EXOC4: variants seen among roughly 807,000 people sequenced by gnomAD.
EXOC4 encodes exocyst complex component 4, also known as SEC8-like 1.
EXOC4 carries 71 observed loss-of-function variants against 107.2 expected under a neutral mutation model. That is an observed-to-expected ratio of 0.66 (90% CI 0.55 to 0.81). The LOEUF (loss-of-function observed/expected upper bound fraction) is 0.81, where lower values mean the gene tolerates loss of function less well. Among genes scored for constraint, EXOC4 ranks in the 30% least tolerant of loss-of-function variants. The pLI, the probability that EXOC4 is intolerant of heterozygous loss-of-function variation, is 0.00. For missense variants in EXOC4, 1,108 were observed against 1,189.6 expected (o/e 0.93, Z 1.01); for synonymous variants, 456 against 441.2 (o/e 1.03, Z -0.42).
intron 15 of EXOC4, among the ~76,000 whole-genome samples, chr7:134,000,914 T>C (rs185917903): frequency 6.6e-6 from 1 of 152,152 alleles, no homozygotes; most frequent in Non-Finnish European, 1.5e-5. Flanking sequence ...TTCCCCCAAA[T>C]ATCTTTATAT....
At chr7:133,256,604 AGTT>A (rs1368277354) in intron 1 of EXOC4, among the ~76,000 whole-genome samples, 1 of 152,240 alleles carries the variant, frequency 6.6e-6, no homozygotes, top group African/African-American at 2.4e-5. Context: ...ACTGAGTAGT[AGTT>A]TTTCTTTTTT....
rs569586594 is a variant in EXOC4, at chr7:133,901,146, A to C, written c.1871+5411A>C. Among the ~76,000 whole-genome samples the C allele has an allele frequency of 2.6e-5, 4 of 152,320 alleles. No homozygotes were observed. The South Asian group carries it at 8.3e-4, about 32-fold the overall frequency. ...CGGCCTCCCAAAGTCCTGGGATTAC[A>C]GGCATGAGCCACCATGCCTGGCCAA... On this transcript the variant is annotated intron_variant, in intron 12 of 17. Coordinates refer to ENST00000253861, the MANE Select transcript of EXOC4 (RefSeq NM_021807.4).
chr7:133,444,687 A>T (rs1431650462), intron 7 of EXOC4, among the ~76,000 whole-genome samples: 1 of 152,270 alleles, frequency 6.6e-6, no homozygotes, highest in Non-Finnish European at 1.5e-5. Context: ...CTGAGTGAGG[A>T]GAAGAAGAGT....
chr7:133,603,698 C>T (rs1801864387), intron 9 of EXOC4, among the ~76,000 whole-genome samples: 1 of 152,092 alleles, frequency 6.6e-6, no homozygotes, highest in Non-Finnish European at 1.5e-5. Flanking sequence ...CTGTATGGGG[C>T]CTTTACCCTT....
chr7:134,064,379 A>C lies in EXOC4; in HGVS notation c.2776A>C (p.Ile926Leu). The C allele has an allele frequency of 1.3e-6, 2 of 1,586,520 alleles. No individual in the cohort carries two copies. The highest frequency in any genetic ancestry group is 1.7e-6 in the Non-Finnish European group (2 of 1,164,232). The change falls in exon 18 of 18, where the codon ATC (isoleucine) becomes CTC (leucine). Residue 926 changes from isoleucine to leucine, a missense_variant. By Grantham distance (5) the Ile-to-Leu change is conservative. Transcript: ENST00000253861. The part of the protein sequence containing the change: ...QGVKYTELEY[I>L]HALTLLHRSQ... ...TGTGAAGTACACGGAGCTGGAGTAC[A>C]TCCACGCTCTGACCCTGCTGCACCG... is the stretch of plus-strand genomic sequence containing the variant.
intron 1 of EXOC4, among the ~76,000 whole-genome samples, chr7:133,266,113 G>T (rs1370537644): frequency 2.6e-5 from 4 of 152,182 alleles, no homozygotes; most frequent in African/African-American, 9.7e-5. Context: ...ACAAGTTCAA[G>T]ATCAACCTAC....
intron 9 of EXOC4, among the ~76,000 whole-genome samples, chr7:133,623,862 C>T (rs1802390105): frequency 6.6e-6 from 1 of 152,134 alleles, no homozygotes; most frequent in Non-Finnish European, 1.5e-5. Flanking sequence ...GCAGCAACAG[C>T]ATTAAGCCAT....
chr7:134,047,320 G>T (rs1795679125), intron 17 of EXOC4, among the ~76,000 whole-genome samples: 1 of 151,720 alleles, frequency 6.6e-6, no homozygotes, highest in Admixed American at 6.6e-5. Flanking sequence ...CCCCTCAAAG[G>T]CCTTTTTTCT....
intron 10 of EXOC4, among the ~76,000 whole-genome samples, chr7:133,798,479 A>G (rs1796862465): frequency 6.7e-6 from 1 of 148,850 alleles, no homozygotes; most frequent in South Asian, 2.2e-4. Context: ...TACCTGCCAC[A>G]TAATGAGTGC....
intron 7 of EXOC4, among the ~76,000 whole-genome samples, chr7:133,416,845 G>A (rs1797487316): frequency 6.6e-6 from 1 of 152,196 alleles, no homozygotes; most frequent in Admixed American, 6.5e-5. Context: ...AGGAGGAGCT[G>A]AAGGAATGCA....
chr7:134,016,823 A>G (rs1172798804), intron 17 of EXOC4, among the ~76,000 whole-genome samples: 1 of 152,190 alleles, frequency 6.6e-6, no homozygotes, highest in Non-Finnish European at 1.5e-5. Context: ...TGGAATGACC[A>G]AAGTGTAGTT....
rs562199008 is a variant in EXOC4 at position 133,479,599 on chromosome 7, T to C, written c.1329-451T>C. The C allele has an allele frequency of 3.6e-5, 6 of 165,272 alleles. No individual in the cohort carries two copies. In the East Asian group the frequency reaches 9.1e-4, roughly 25 times the overall value. 10.2% of individuals were successfully genotyped at this position (165,272 alleles called of 1,614,324 possible). A position where few individuals can be genotyped will look rare whatever the true frequency, so the allele number is the denominator to read the frequency against. On this transcript the variant is annotated intron_variant, in intron 8 of 17. Transcript: ENST00000253861. The stretch of plus-strand genomic sequence containing the variant: ...TATGTCCTTTGTCTAGTCCTCTACC[T>C]GTGGAAGTTAGGCATGAGTTCTGCT...
chr7:133,751,788 A>G (rs1562982652), intron 10 of EXOC4, among the ~76,000 whole-genome samples: 2 of 151,016 alleles, frequency 1.3e-5, no homozygotes, highest in African/African-American at 4.9e-5. Flanking sequence ...TTTACATACT[A>G]TTTTTTTTCA....
intron 6 of EXOC4, among the ~76,000 whole-genome samples, chr7:133,370,338 A>G (rs1382919654): frequency 2.6e-5 from 4 of 151,894 alleles, no homozygotes; most frequent in African/African-American, 9.7e-5. Context: ...CATTTTAGGG[A>G]GGCATGAGAC....
At chr7:133,334,233 T>C (rs969723004) in intron 5 of EXOC4, among the ~76,000 whole-genome samples, 1 of 152,220 alleles carries the variant, frequency 6.6e-6, no homozygotes, top group African/African-American at 2.4e-5. Context: ...CTCTATCTTT[T>C]ATCCCATTCC....
chr7:133,489,952 G>A (rs1799340135), intron 9 of EXOC4, among the ~76,000 whole-genome samples: 1 of 152,120 alleles, frequency 6.6e-6, no homozygotes, highest in African/African-American at 2.4e-5. Context: ...ATTTAATTCT[G>A]GCTAATAGGA....
intron 17 of EXOC4, among the ~76,000 whole-genome samples, chr7:134,019,478 A>G (rs1794982099): frequency 6.6e-6 from 1 of 151,626 alleles, no homozygotes; most frequent in Middle Eastern, 3.4e-3. Flanking sequence ...GAGTAATTAT[A>G]ATTACTGTTA....
At chr7:134,095,771 T>C in the EXOC4 span, among the ~76,000 whole-genome samples, 29 of 152,176 alleles carry the variant, frequency 1.9e-4, no homozygotes, top group African/African-American at 6.5e-4. Flanking sequence ...TAGCCATACG[T>C]AGAAAAATGA....
chr7:133,797,354 C>CA (rs1469867826), intron 10 of EXOC4, among the ~76,000 whole-genome samples: 4 of 150,136 alleles, frequency 2.7e-5, no homozygotes, highest in Admixed American at 6.6e-5. Context: ...GATGATAATT[C>CA]AAAAAAAAAT....
Sources: gnomAD v4.1 joint callset for allele counts (sites outside exome capture counted in the v4.1 genomes callset) on GRCh38, gnomAD v4.1.1 for gene constraint, MANE v1.5 for transcripts, NCBI Gene and HGNC (gene_info 2026-07-23, HGNC 2026-07-21) for gene names.